Variants in LRP1B observed in about 807,000 individuals in gnomAD.
LRP1B encodes low-density lipoprotein receptor-related protein 1B.
LRP1B carries 217 observed loss-of-function variants against 556.6 expected under a neutral mutation model. That is an observed-to-expected ratio of 0.39 (90% confidence interval 0.35 to 0.44). LRP1B has a LOEUF of 0.44. Ranked by LOEUF, LRP1B falls within the 20% of genes least tolerant of loss-of-function variation. LRP1B has a pLI of 1.00. For missense variants in LRP1B, 5,053 were observed against 5,620.8 expected (o/e 0.90, Z 3.23); for synonymous variants, 2,047 against 1,865.8 (o/e 1.10, Z -2.50).
chr2:140,461,363 C>G (rs1209228133), intron 60 of LRP1B, among the ~76,000 whole-genome samples: 1 of 152,042 alleles, frequency 6.6e-6, no homozygotes, highest in South Asian at 2.1e-4. Context: ...GAGGATACAG[C>G]ATTAGGATAT....
Position 140,233,174 on chromosome 2 carries a change from A to C in LRP1B, c.*12T>G. ...TTTATACATTTATACAGCATATAAA[A>C]GATATCACTGATTATGCCACTGTCT... On this transcript the variant is annotated 3_prime_UTR_variant, in exon 91 of 91. Transcript: ENST00000389484. 1 of 1,559,976 alleles carries C rather than the reference A, an allele frequency of 6.4e-7. No individual in the cohort carries two copies. The highest frequency in any genetic ancestry group is 8.8e-7 in the Non-Finnish European group (1 of 1,137,914).
intron 66 of LRP1B, among the ~76,000 whole-genome samples, chr2:140,408,929 G>T (rs934875696): frequency 6.6e-6 from 1 of 151,952 alleles, no homozygotes; most frequent in Non-Finnish European, 1.5e-5. Context: ...GGAAAGGTCA[G>T]AAAGATAGTC....
chr2:141,528,036 G>A (rs1379978140), intron 2 of LRP1B, among the ~76,000 whole-genome samples: 1 of 151,872 alleles, frequency 6.6e-6, no homozygotes, highest in African/African-American at 2.4e-5. Context: ...ACTTGTGAAA[G>A]TTCTCTTGTT....
intron 3 of LRP1B, among the ~76,000 whole-genome samples, chr2:141,424,341 G>A (rs1260658358): frequency 1.3e-5 from 2 of 152,052 alleles, no homozygotes; most frequent in East Asian, 1.9e-4. Context: ...TCAAATTTTC[G>A]ACCTCAGGTG....
chr2:141,687,652 G>A (rs1008917346), intron 2 of LRP1B, among the ~76,000 whole-genome samples: 28 of 151,798 alleles, frequency 1.8e-4, no homozygotes, highest in Admixed American at 5.3e-4. Flanking sequence ...TTCCATGTTT[G>A]CATTTCATCT....
chr2:141,301,684 A>G (rs1334085770), intron 3 of LRP1B, among the ~76,000 whole-genome samples: 1 of 152,192 alleles, frequency 6.6e-6, no homozygotes, highest in Non-Finnish European at 1.5e-5. Flanking sequence ...CATTTCCTGA[A>G]CAGTGCTATT....
chr2:141,059,704 T>C (rs945588707), intron 8 of LRP1B, among the ~76,000 whole-genome samples: 34 of 151,940 alleles, frequency 2.2e-4, no homozygotes, highest in Non-Finnish European at 7.4e-5. Context: ...AGAATTATGA[T>C]GTTTATTGCT....
intron 7 of LRP1B, among the ~76,000 whole-genome samples, chr2:141,065,049 T>C (rs1391401058): frequency 6.6e-6 from 1 of 151,942 alleles, no homozygotes; most frequent in Admixed American, 6.6e-5. Context: ...CCTTAGTCTT[T>C]GCCGGAGCCA....
At chr2:140,272,591 A>G (rs985077524) in intron 85 of LRP1B, among the ~76,000 whole-genome samples, 2 of 151,894 alleles carry the variant, frequency 1.3e-5, no homozygotes, top group African/African-American at 4.8e-5. Flanking sequence ...GATGGCTTGA[A>G]TTTTCCTAAT....
Position 141,371,247 on chromosome 2 carries a change from T to A in LRP1B, c.343+109149A>T, listed in dbSNP as rs372960590. ...CCATTGATATATGTGTCTATTTTTA[T>A]ACCAGTAACATGTTCTTTCAGTTAC... On this transcript the variant is annotated intron_variant, in intron 3 of 90. Coordinates refer to ENST00000389484, the MANE Select transcript of LRP1B (RefSeq NM_018557.3). 1.4e-4 allele frequency among the ~76,000 whole-genome samples: 21 copies of A among 152,338 alleles called. No homozygotes were observed. In the East Asian group the frequency reaches 4.1e-3, roughly 29 times the overall value.
chr2:142,064,607 T>A lies in LRP1B; in HGVS notation c.82+66041A>T, dbSNP rs150894959. ...TCTTCCTGTCTTTCCTTAAATGGTATGATATTCTGCAACTACTCTGTGCAA... is the reference window on the plus strand; with the variant it reads ...TCTTCCTGTCTTTCCTTAAATGGTAAGATATTCTGCAACTACTCTGTGCAA... On this transcript the variant is annotated intron_variant, in intron 1 of 90. Coordinates refer to ENST00000389484, the MANE Select transcript of LRP1B (RefSeq NM_018557.3). 7.7e-3 allele frequency among the ~76,000 whole-genome samples: 1,161 copies of A among 151,616 alleles called. 18 individuals are homozygous for A. Among genetic ancestry groups the A allele is most frequent in the African/African-American group, 0.026 (1,080 of 41,470 alleles).
chr2:141,585,269 A>G (rs149708291), intron 2 of LRP1B, among the ~76,000 whole-genome samples: 14 of 152,268 alleles, frequency 9.2e-5, no homozygotes, highest in African/African-American at 2.6e-4. Context: ...TTTCTATGCT[A>G]TTTATCCTAA....
chr2:141,966,079 C>T (rs934219928), intron 1 of LRP1B, among the ~76,000 whole-genome samples: 32 of 151,718 alleles, frequency 2.1e-4, no homozygotes, highest in African/African-American at 7.7e-4. Flanking sequence ...TTAGCATGCT[C>T]AGTATTTTTT....
chr2:141,552,969 T>C (rs765467326), intron 2 of LRP1B, among the ~76,000 whole-genome samples: 1 of 151,800 alleles, frequency 6.6e-6, no homozygotes, highest in South Asian at 2.1e-4. Flanking sequence ...GTAAGTTAAG[T>C]ATGTAGAAGA....
intron 1 of LRP1B, among the ~76,000 whole-genome samples, chr2:141,973,852 ATAT>A (rs1701812435): frequency 6.6e-6 from 1 of 151,908 alleles, no homozygotes; most frequent in Non-Finnish European, 1.5e-5. Flanking sequence ...AATCTTACCA[ATAT>A]TTTGAGACTC....
chr2:140,387,217 G>T (rs1464805048), intron 66 of LRP1B, among the ~76,000 whole-genome samples: 1 of 152,128 alleles, frequency 6.6e-6, no homozygotes, highest in African/African-American at 2.4e-5. Flanking sequence ...AAAGGAGTGG[G>T]TAGGTTATTG....
intron 3 of LRP1B, among the ~76,000 whole-genome samples, chr2:141,414,830 G>C (rs1410036818): frequency 6.6e-6 from 1 of 152,126 alleles, no homozygotes; most frequent in African/African-American, 2.4e-5. Context: ...TCTCTGGTTT[G>C]CAACCAAAGA....
At chr2:140,721,532 T>C (rs1409760898) in intron 35 of LRP1B, among the ~76,000 whole-genome samples, 2 of 140,402 alleles carry the variant, frequency 1.4e-5, no homozygotes, top group Non-Finnish European at 3.0e-5. Context: ...GGATCAAAGA[T>C]GCACTTTTTT....
intron 2 of LRP1B, among the ~76,000 whole-genome samples, chr2:141,604,004 C>A (rs80277046): frequency 0.013 from 2,013 of 152,230 alleles, 56 homozygotes; most frequent in African/African-American, 0.045. Context: ...CTTCCTAATT[C>A]TTCACAGAAG....
Sources: gnomAD v4.1 joint callset for allele counts (sites outside exome capture counted in the v4.1 genomes callset) on GRCh38, gnomAD v4.1.1 for gene constraint, MANE v1.5 for transcripts, NCBI Gene and HGNC (gene_info 2026-07-23, HGNC 2026-07-21) for gene names.